ANKS1B: variants seen among roughly 807,000 people sequenced by gnomAD.
The protein encoded by ANKS1B is ankyrin repeat and sterile alpha motif domain containing 1B.
A neutral mutation model predicts 148.3 loss-of-function variants in ANKS1B; 36 were observed. The ratio of observed to expected loss-of-function variants is 0.24; its 90% confidence interval spans 0.19 to 0.32. ANKS1B has a LOEUF of 0.32. Among genes scored for constraint, ANKS1B ranks in the 10% least tolerant of loss-of-function variants. The pLI is 1.00. For synonymous variants in ANKS1B, 542 were observed against 560.8 expected, an observed-to-expected ratio of 0.97 and a Z score of 0.47; for missense variants, 1,157 against 1,542.6, an observed-to-expected ratio of 0.75 and a Z score of 4.19.
At chr12:99,123,806 A>C (rs112157296) in intron 15 of ANKS1B, among the ~76,000 whole-genome samples, 2 of 152,168 alleles carry the variant, frequency 1.3e-5, no homozygotes, top group Admixed American at 6.5e-5. Context: ...GCCACACTGG[A>C]AGTTGATTAG....
intron 17 of ANKS1B, among the ~76,000 whole-genome samples, chr12:98,887,872 C>G (rs1192139007): frequency 1.3e-5 from 2 of 152,122 alleles, no homozygotes; most frequent in Non-Finnish European, 2.9e-5. Flanking sequence ...CTCAGCCTCC[C>G]AAAGTGCTAG....
intron 9 of ANKS1B, among the ~76,000 whole-genome samples, chr12:99,560,309 T>C (rs1241449644): frequency 6.6e-6 from 1 of 152,182 alleles, no homozygotes; most frequent in Non-Finnish European, 1.5e-5. Context: ...ATACCACACG[T>C]TACCTCAATA....
At chr12:99,904,031 A>G (rs796819219) in intron 1 of ANKS1B, among the ~76,000 whole-genome samples, 14 of 152,342 alleles carry the variant, frequency 9.2e-5, no homozygotes, top group African/African-American at 3.4e-4. Flanking sequence ...CACTACCAAC[A>G]CTACCTGGGC....
At chr12:98,962,701 CAAGTCTAAAAA>C (rs961223372) in intron 17 of ANKS1B, among the ~76,000 whole-genome samples, 1 of 152,038 alleles carries the variant, frequency 6.6e-6, no homozygotes, top group African/African-American at 2.4e-5. Context: ...GGCCACAAAA[CAAGTCTAAAAA>C]ATTCAACAAA....
chr12:98,745,631 T>G lies in ANKS1B; in HGVS notation c.*108A>C. On this transcript the variant is annotated 3_prime_UTR_variant, in exon 27 of 27. Coordinates refer to ENST00000683438, the MANE Select transcript of ANKS1B (RefSeq NM_001352186.2). The stretch of plus-strand genomic sequence containing the variant: ...TTTCGCCCGTAACAAGGCCGCACGC[T>G]CAGAGCAGTCTTCCTCCTGGGCTGG... The G allele has an allele frequency of 6.7e-7, 1 of 1,500,926 alleles. No homozygotes were observed. The highest frequency in any genetic ancestry group is 8.9e-7 in the Non-Finnish European group (1 of 1,123,658). 93.0% of individuals were successfully genotyped at this position (1,500,926 alleles called of 1,614,324 possible).
At chr12:99,674,835 G>A (rs1422714189) in intron 8 of ANKS1B, among the ~76,000 whole-genome samples, 6 of 151,464 alleles carry the variant, frequency 4.0e-5, no homozygotes, top group Admixed American at 3.3e-4. Context: ...TCTAAAACAC[G>A]TGAAAACTTT....
At chr12:99,607,407 T>A (rs1257618990) in intron 9 of ANKS1B, among the ~76,000 whole-genome samples, 3 of 151,944 alleles carry the variant, frequency 2.0e-5, no homozygotes, top group Non-Finnish European at 4.4e-5. Context: ...CTCATATACA[T>A]TTTAGCAATC....
Position 99,246,829 on chromosome 12 carries a change from T to C in ANKS1B, c.1792A>G (p.Lys598Glu). The change falls in exon 13 of 27, where the codon AAA becomes GAA. Residue 598 changes from lysine (K) to glutamate (E), a missense_variant. By Grantham distance (56) the Lys-to-Glu change is moderately conservative. Transcript: ENST00000683438. ...LSRQDDNDPP[K>E]EYDPGQFAGL... ...GCAAATTGCCCAGGATCATATTCTT[T>C]TGGGGGATCATTGTCATCCTGTCGG... 4 of 1,605,176 alleles carry C rather than the reference T, an allele frequency of 2.5e-6. No homozygotes were observed. The highest frequency in any genetic ancestry group is 3.4e-6 in the Non-Finnish European group (4 of 1,177,944).
At chr12:99,928,268 T>C (rs2094521563) in intron 1 of ANKS1B, among the ~76,000 whole-genome samples, 1 of 80,450 alleles carries the variant, frequency 1.2e-5, no homozygotes, top group African/African-American at 6.5e-5. Context: ...TTTATTTTAT[T>C]TTATTTTTTT....
intron 25 of ANKS1B, among the ~76,000 whole-genome samples, chr12:98,758,245 C>G (rs186929332): frequency 6.6e-6 from 1 of 152,020 alleles, no homozygotes; most frequent in Admixed American, 6.5e-5. Flanking sequence ...GAGATAATTA[C>G]GCTCAGAAAG....
intron 15 of ANKS1B, among the ~76,000 whole-genome samples, chr12:99,145,875 C>G (rs920073744): frequency 6.6e-6 from 1 of 151,916 alleles, no homozygotes; most frequent in Admixed American, 6.6e-5. Flanking sequence ...GTTTCATCCT[C>G]TTTATTTCTA....
chr12:99,328,180 C>T (rs923993563), intron 12 of ANKS1B, among the ~76,000 whole-genome samples: 1 of 151,948 alleles, frequency 6.6e-6, no homozygotes, highest in Non-Finnish European at 1.5e-5. Context: ...AAACAGCAAA[C>T]AAGTTGAGTC....
intron 17 of ANKS1B, among the ~76,000 whole-genome samples, chr12:98,936,564 T>C (rs988465434): frequency 1.3e-5 from 2 of 151,826 alleles, no homozygotes; most frequent in South Asian, 2.1e-4. Context: ...GAGGTGGAGG[T>C]TGCAGTGAGC....
chr12:99,493,013 A>C (rs1322347492), intron 10 of ANKS1B, among the ~76,000 whole-genome samples: 1 of 152,120 alleles, frequency 6.6e-6, no homozygotes, highest in African/African-American at 2.4e-5. Flanking sequence ...CTCCTATTTC[A>C]CGTAGTATTG....
In ANKS1B at chr12:99,828,275, T is replaced by G. The variant is rs771340034; in HGVS notation, c.135-2886A>C. Reference sequence around the variant, plus strand: ...ATGATCTCTGGACTAGACCCCTGATTGGTAGCCTTCATCAACTTCTGTGAT... The same window carrying G: ...ATGATCTCTGGACTAGACCCCTGATGGGTAGCCTTCATCAACTTCTGTGAT... On this transcript the variant is annotated intron_variant, in intron 1 of 26. Transcript: ENST00000683438. Among the ~76,000 whole-genome samples the G allele has an allele frequency of 3.9e-4, 60 of 152,164 alleles. 1 individual carries two copies. The highest frequency in any genetic ancestry group is 1.3e-4 in the Non-Finnish European group (9 of 68,040).
At chr12:98,740,998 A>G (rs368880931), downstream of ANKS1B, among the ~76,000 whole-genome samples, 3 of 152,340 alleles carry the variant, frequency 2.0e-5, no homozygotes, top group African/African-American at 7.2e-5. Context: ...GAGTAGAAAT[A>G]TAGAAGGATC....
At chr12:99,245,151 G>A (rs529288996) in intron 13 of ANKS1B, among the ~76,000 whole-genome samples, 16 of 152,180 alleles carry the variant, frequency 1.1e-4, no homozygotes, top group Middle Eastern at 3.4e-3. Context: ...CACCATTCCC[G>A]GCCTGGAGCA....
In ANKS1B at chr12:98,923,368, A is replaced by C. The variant is rs117086648; in HGVS notation, c.2779-91232T>G. Among the ~76,000 whole-genome samples the C allele has an allele frequency of 1.1e-4, 16 of 152,192 alleles. No individual in the cohort carries two copies. The East Asian group carries it at 3.1e-3, about 29-fold the overall frequency. On this transcript the variant is annotated intron_variant, in intron 17 of 26. Transcript: ENST00000683438. Reference sequence around the variant, plus strand: ...AATAAACCTCTTTTCTTTATAAACTACCCGTCTCAGGTAGTCTGTTCTAGC... The same window carrying C: ...AATAAACCTCTTTTCTTTATAAACTCCCCGTCTCAGGTAGTCTGTTCTAGC...
intron 15 of ANKS1B, among the ~76,000 whole-genome samples, chr12:99,104,092 T>C (rs1472389994): frequency 1.3e-5 from 2 of 152,172 alleles, no homozygotes; most frequent in Non-Finnish European, 2.9e-5. Flanking sequence ...TTAATAGATA[T>C]GTGTTTTGAA....
Sources: gnomAD v4.1 joint callset for allele counts (sites outside exome capture counted in the v4.1 genomes callset) on GRCh38, gnomAD v4.1.1 for gene constraint, MANE v1.5 for transcripts, NCBI Gene and HGNC (gene_info 2026-07-23, HGNC 2026-07-21) for gene names.